POMT1: variants seen among roughly 807,000 people sequenced by gnomAD.
The protein encoded by POMT1 is protein O-mannosyl-transferase 1.
In POMT1, 85 loss-of-function variants were observed where a neutral mutation model predicts 101.6. The observed-to-expected ratio is 0.84, with a 90% CI of 0.70 to 1.00. POMT1 has a LOEUF of 1.00. Among genes scored for constraint, POMT1 ranks in the 50% least tolerant of loss-of-function variants. POMT1 has a pLI of 0.00. For missense variants in POMT1, 857 were observed against 930.4 expected, an observed-to-expected ratio of 0.92 and a Z score of 1.03; for synonymous variants, 371 against 383.0, an observed-to-expected ratio of 0.97 and a Z score of 0.37.
chr9:131,513,658 T>G (rs1416694927), intron 12 of POMT1, among the ~76,000 whole-genome samples: 2 of 152,130 alleles, frequency 1.3e-5, no homozygotes, highest in East Asian at 3.8e-4. Context: ...GAGAATGGAG[T>G]TTGGGCACAC....
Position 131,520,124 on chromosome 9 carries a change from C to T in POMT1, c.1629C>T (p.Tyr543=), listed in dbSNP as rs1949617032. Residue 543 remains tyrosine, a synonymous_variant, in exon 17 of 20, where the codon TAC becomes TAT. Transcript: ENST00000402686. ...ALRSDDSEHK[Y]SSSPLEWVTL... is the part of the protein sequence containing the mutation. ...GAAGTGATGACTCGGAACACAAGTA[C>T]AGCTCCAGCCCACTGGAGTGGGTCA... The T allele has an allele frequency of 5.0e-6, 8 of 1,613,720 alleles. No individual in the cohort carries two copies. The highest frequency in any genetic ancestry group is 4.4e-5 in the South Asian group (4 of 91,094).
In POMT1 at chr9:131,510,338, T is replaced by C. The variant is rs1292711779; in HGVS notation, c.778T>C (p.Tyr260His). The change falls in exon 9 of 20, where the codon TAC (tyrosine) becomes CAC (histidine). Residue 260 changes from tyrosine to histidine, a missense_variant. Coordinates refer to ENST00000402686, the MANE Select transcript of POMT1 (RefSeq NM_001077365.2). Reference protein sequence around the residue: ...IPVVLYLLFFYVHLILVFRSG... With the variant: ...IPVVLYLLFFHVHLILVFRSG... ...GGTCGTCCTGTACTTACTGTTCTTCTACGTCCACTTGATTCTAGTCTTCCG... is the reference window on the plus strand; with the variant it reads ...GGTCGTCCTGTACTTACTGTTCTTCCACGTCCACTTGATTCTAGTCTTCCG... 1.2e-6 allele frequency: 2 copies of C among 1,614,076 alleles called. No homozygotes were observed. Among genetic ancestry groups the C allele is most frequent in the Non-Finnish European group, 1.7e-6 (2 of 1,180,006 alleles).
Position 131,518,513 on chromosome 9 carries a change from C to A in POMT1, c.1341C>A (p.His447Gln). Residue 447 changes from histidine to glutamine, a missense_variant, in exon 14 of 20, where the codon CAC becomes CAA. By Grantham distance (24) the His-to-Gln change is conservative. Coordinates refer to ENST00000402686, the MANE Select transcript of POMT1 (RefSeq NM_001077365.2). ...KTILSEVRFV[H>Q]VNTSAVLKLS... ...TCCTCTCAGAGGTCCGCTTTGTGCACGTGAACACTTCCGCTGTCTTAAAGG... is the reference window on the plus strand; with the variant it reads ...TCCTCTCAGAGGTCCGCTTTGTGCAAGTGAACACTTCCGCTGTCTTAAAGG... 1 of 1,613,802 alleles carries A rather than the reference C, an allele frequency of 6.2e-7. No homozygotes were observed. Among genetic ancestry groups the A allele is most frequent in the Non-Finnish European group, 8.5e-7 (1 of 1,179,888 alleles).
intron 2 of POMT1, among the ~76,000 whole-genome samples, chr9:131,505,282 C>T (rs922190019): frequency 7.1e-6 from 1 of 141,224 alleles, no homozygotes; most frequent in Non-Finnish European, 1.5e-5. Flanking sequence ...AGCGGTATAT[C>T]TGTAAAAGAT....
rs1465565429 is a variant in POMT1 at position 131,520,168 on chromosome 9, C to T, written c.1673C>T (p.Ala558Val). ...LEWVTLDTNI[A>V]YWLHPRTSAQ... is the part of the protein sequence containing the mutation. ...TGGGTCACCCTGGACACCAATATTG[C>T]CTACTGGCTGCACCCCAGGACCAGC... is the stretch of plus-strand genomic sequence containing the variant. The change falls in exon 17 of 20, where the codon GCC becomes GTC. Residue 558 changes from alanine (A) to valine (V), a missense_variant. Transcript: ENST00000402686. The T allele has an allele frequency of 1.2e-6, 2 of 1,613,536 alleles. No individual in the cohort carries two copies. Among genetic ancestry groups the T allele is most frequent in the African/African-American group, 2.7e-5 (2 of 74,916 alleles).
At chr9:131,509,047 A>ACCTGGGTGGTTT in intron 6 of POMT1, 25 bp downstream of exon 6, 1 of 1,508,312 alleles carries the variant, frequency 6.6e-7, no homozygotes, top group Non-Finnish European at 9.2e-7. Context: ...GTGTCTTCCT[A>ACCTGGGTGGTTT]GTTAACGAGA....
rs527627257 is a variant in POMT1 at position 131,518,843 on chromosome 9, G to A, written c.1372G>A (p.Gly458Arg). 10 of 1,613,860 alleles carry A rather than the reference G, an allele frequency of 6.2e-6. No individual in the cohort carries two copies. The East Asian group carries it at 8.9e-5, about 14-fold the overall frequency. ...VNTSAVLKLS[G>R]AHLPDWGYRQ... ...TCTCCTGCGGTGTCACCAGCTGAGC[G>A]GGGCTCACCTCCCTGACTGGGGGTA... is the stretch of plus-strand genomic sequence containing the variant. The change falls in exon 15 of 20, where the codon GGG becomes AGG. Residue 458 changes from glycine to arginine, a missense_variant. Coordinates refer to ENST00000402686, the MANE Select transcript of POMT1 (RefSeq NM_001077365.2).
rs150080236 is a variant in POMT1 at position 131,517,909 on chromosome 9, T to C, written c.1273-536T>C. Among the ~76,000 whole-genome samples the C allele has an allele frequency of 1.4e-3, 213 of 152,344 alleles. 4 individuals carry two copies. The East Asian group carries it at 0.03, about 22-fold the overall frequency. ...TTCTTGGGTTCTCTGGTTGTGACAGTATGGGAAAATGACAGTCATGTGATG... is the reference window on the plus strand; with the variant it reads ...TTCTTGGGTTCTCTGGTTGTGACAGCATGGGAAAATGACAGTCATGTGATG... On this transcript the variant is annotated intron_variant, in intron 13 of 19. Coordinates refer to ENST00000402686, the MANE Select transcript of POMT1 (RefSeq NM_001077365.2).
intron 1 of POMT1, 40 bp from the exon 2 acceptor site, chr9:131,504,149 G>C (rs1945198823): frequency 6.2e-7 from 1 of 1,611,838 alleles, no homozygotes; most frequent in East Asian, 2.2e-5. Flanking sequence ...GTAGCCTCTC[G>C]TGAGCCCTCA....
rs200089530 is a variant in POMT1 at position 131,518,547 on chromosome 9, C to T, written c.1365+10C>T. 1.3e-5 allele frequency: 21 copies of T among 1,609,974 alleles called. 1 individual carries two copies. In the East Asian group the frequency reaches 4.7e-4, roughly 36 times the overall value. On this transcript the variant is annotated intron_variant, in intron 14 of 19. Transcript: ENST00000402686. ...TTCCGCTGTCTTAAAGGTAAGGACA[C>T]TGTCCGTGGCTTGGCCTGTCCTGAG...
Position 131,519,322 on chromosome 9 carries a change from C to G in POMT1, c.1487-67C>G. The G allele has an allele frequency of 6.8e-7, 1 of 1,468,968 alleles. No individual in the cohort carries two copies. The highest frequency in any genetic ancestry group is 2.5e-5 in the East Asian group (1 of 40,496). The allele number at this position is 1,468,968 out of a possible 1,614,324, so 91.0% of individuals were successfully genotyped here. On this transcript the variant is annotated intron_variant, in intron 15 of 19. Coordinates refer to ENST00000402686, the MANE Select transcript of POMT1 (RefSeq NM_001077365.2). The surrounding 1 kb of genome is among the most constrained non-coding windows in gnomAD (Gnocchi z 4.3). ...GGAAGCCAGCTTTTTGCTGCACTGA[C>G]AGCTTCTGCTCTGAGCTCTTGACCT...
rs180847856 is a variant in POMT1, at chr9:131,520,199, C to T, written c.1698+6C>T. The T allele has an allele frequency of 2.8e-5, 45 of 1,605,438 alleles. No individual in the cohort carries two copies. The Admixed American group carries it at 3.2e-4, about 11-fold the overall frequency. ...GGCTGCACCCCAGGACCAGCGTAAG[C>T]GAGCGATGCTGACAGCTGACAGTCA... On this transcript the variant is annotated splice_donor_region_variant and intron_variant, in intron 17 of 19. Transcript: ENST00000402686.
intron 6 of POMT1, among the ~76,000 whole-genome samples, chr9:131,509,443 G>A (rs947989545): frequency 7.9e-5 from 12 of 152,158 alleles, no homozygotes; most frequent in Admixed American, 3.9e-4. Flanking sequence ...GAGCCTCTGC[G>A]CCTAGTGCTA....
Position 131,510,393 on chromosome 9 carries a change from G to C in POMT1, c.833G>C (p.Ser278Thr), listed in dbSNP as rs747874952. The C allele has an allele frequency of 4.3e-6, 7 of 1,614,220 alleles. No individual in the cohort carries two copies. Among genetic ancestry groups the C allele is most frequent in the Non-Finnish European group, 4.2e-6 (5 of 1,180,032 alleles). Residue 278 changes from serine to threonine, a missense_variant, in exon 9 of 20, where the codon AGT becomes ACT. Physicochemically the swap from Ser to Thr is moderately conservative, Grantham distance 58 (BLOSUM62 1). Transcript: ENST00000402686. ...RSGPHDQIMS[S>T]AFQASLEGGL... ...GGGCCCCACGACCAAATCATGTCCA[G>C]TGCCTTCCAGGCCAGCTTAGAGGTA... is the stretch of plus-strand genomic sequence containing the variant.
chr9:131,522,934 C>G lies in POMT1; in HGVS notation c.2006C>G (p.Ser669Cys). The change falls in exon 20 of 20, where the codon TCC becomes TGC. Residue 669 changes from serine to cysteine, a missense_variant and splice_region_variant. By Grantham distance (112) the Ser-to-Cys change is moderately radical. Coordinates refer to ENST00000402686, the MANE Select transcript of POMT1 (RefSeq NM_001077365.2). This position sits in a 1 kb window ranked among gnomAD's most constrained non-coding sequence, Gnocchi z 5.5. Reference protein sequence around the residue: ...LQHISDHLCRSQLQRSIFSAL... With the variant: ...LQHISDHLCRCQLQRSIFSAL... The stretch of plus-strand genomic sequence containing the variant: ...CCACGCTGCTCTGACCTCTGCAGGT[C>G]CCAGCTCCAGAGGAGCATCTTCAGC... 6.3e-7 allele frequency: 1 copy of G among 1,587,358 alleles called. No individual in the cohort carries two copies. Among genetic ancestry groups the G allele is most frequent in the Non-Finnish European group, 8.6e-7 (1 of 1,169,492 alleles).
Position 131,523,055 on chromosome 9 carries a change from C to T in POMT1, c.2127C>T (p.Leu709=). The T allele has an allele frequency of 6.2e-7, 1 of 1,611,576 alleles. No homozygotes were observed. The highest frequency in any genetic ancestry group is 1.3e-5 in the African/African-American group (1 of 74,988). ...ACAAGTCACTCTCGCCACATGAACT[C>T]AAGGCCCTTCGCTGGAAAGACAGCT... The part of the protein sequence containing the change: ...YGDKSLSPHE[L]KALRWKDSWD... Residue 709 remains leucine (L), a synonymous_variant, in exon 20 of 20, where the codon CTC becomes CTT. Coordinates refer to ENST00000402686, the MANE Select transcript of POMT1 (RefSeq NM_001077365.2).
chr9:131,509,255 A>G (rs1290274088), intron 6 of POMT1, among the ~76,000 whole-genome samples: 1 of 152,088 alleles, frequency 6.6e-6, no homozygotes, highest in Non-Finnish European at 1.5e-5. Context: ...GGTTCAAGCA[A>G]TTCTCCAGCC....
chr9:131,504,128 G>C (rs1043489131), intron 1 of POMT1, 61 bp from the exon 2 acceptor site: 8 of 1,600,978 alleles, frequency 5.0e-6, no homozygotes, highest in Non-Finnish European at 6.8e-6. Flanking sequence ...GGGTGGCTGG[G>C]GATCCCTTCT....
chr9:131,518,520 A>G lies in POMT1; in HGVS notation c.1348A>G (p.Thr450Ala). 1 of 1,613,670 alleles carries G rather than the reference A, an allele frequency of 6.2e-7. No homozygotes were observed. The highest frequency in any genetic ancestry group is 8.5e-7 in the Non-Finnish European group (1 of 1,179,794). Reference sequence around the variant, plus strand: ...AGAGGTCCGCTTTGTGCACGTGAACACTTCCGCTGTCTTAAAGGTAAGGAC... The same window carrying G: ...AGAGGTCCGCTTTGTGCACGTGAACGCTTCCGCTGTCTTAAAGGTAAGGAC... ...LSEVRFVHVN[T>A]SAVLKLSGAH... The change falls in exon 14 of 20, where the codon ACT becomes GCT. Residue 450 changes from threonine (T) to alanine (A), a missense_variant. Coordinates refer to ENST00000402686, the MANE Select transcript of POMT1 (RefSeq NM_001077365.2).
Sources: allele counts gnomAD v4.1 joint callset (sites outside exome capture counted in the v4.1 genomes callset), GRCh38; gene constraint gnomAD v4.1.1; non-coding constraint Gnocchi (gnomAD v3.1); transcripts MANE v1.5; gene names NCBI Gene and HGNC (gene_info 2026-07-23, HGNC 2026-07-21).